DLG2: variants seen among roughly 807,000 people sequenced by gnomAD.
DLG2 encodes disks large homolog 2.
In DLG2, 45 loss-of-function variants were observed where a neutral mutation model predicts 132.5. The ratio of observed to expected loss-of-function variants is 0.34; its 90% CI spans 0.27 to 0.44. The LOEUF (loss-of-function observed/expected upper bound fraction) is 0.44. Ranked by LOEUF, DLG2 falls within the 20% of genes least tolerant of loss-of-function variation. The pLI, the probability that DLG2 is intolerant of heterozygous loss-of-function variation, is 1.00. For missense variants in DLG2, 1,045 were observed against 1,196.9 expected, an observed-to-expected ratio of 0.87 and a Z score of 1.87; for synonymous variants, 424 against 419.6, an observed-to-expected ratio of 1.01 and a Z score of -0.13.
chr11:83,918,241 A>G (rs890566854), intron 15 of DLG2, among the ~76,000 whole-genome samples: 2 of 152,160 alleles, frequency 1.3e-5, no homozygotes, highest in Non-Finnish European at 2.9e-5. Flanking sequence ...CCAACAGTAT[A>G]CGTATAGGTG....
intron 6 of DLG2, among the ~76,000 whole-genome samples, chr11:84,832,561 C>A (rs1054384922): frequency 1.3e-5 from 2 of 151,362 alleles, no homozygotes; most frequent in East Asian, 3.9e-4. Context: ...GGACAACAAC[C>A]ATTAAGTACT....
chr11:84,915,038 G>T (rs1009913625), intron 6 of DLG2, among the ~76,000 whole-genome samples: 1 of 152,158 alleles, frequency 6.6e-6, no homozygotes. Context: ...AATGAACCAG[G>T]CTATATGGAG....
intron 6 of DLG2, among the ~76,000 whole-genome samples, chr11:84,767,125 T>A (rs7105722): frequency 0.9 from 136,848 of 152,058 alleles, 62,472 homozygotes; most frequent in Middle Eastern, 0.99. Context: ...AGTTTGAGTG[T>A]ATTTTAAGTA....
chr11:85,114,863 CAGTT>C (rs2073333715), intron 5 of DLG2, among the ~76,000 whole-genome samples: 1 of 151,770 alleles, frequency 6.6e-6, no homozygotes, highest in Non-Finnish European at 1.5e-5. Flanking sequence ...GGCTTATACA[CAGTT>C]AGAGTGCTTT....
At chr11:84,947,080 C>CGCTGT (rs1237610492) in intron 6 of DLG2, among the ~76,000 whole-genome samples, 1 of 152,170 alleles carries the variant, frequency 6.6e-6, no homozygotes, top group Non-Finnish European at 1.5e-5. Flanking sequence ...TGCGGCCAGT[C>CGCTGT]GCTGCCATTG....
chr11:84,609,917 A>T (rs914852659), intron 6 of DLG2, among the ~76,000 whole-genome samples: 1 of 152,152 alleles, frequency 6.6e-6, no homozygotes, highest in Non-Finnish European at 1.5e-5. Context: ...AGGGGGTATG[A>T]TAATTAAATA....
intron 6 of DLG2, among the ~76,000 whole-genome samples, chr11:84,773,316 G>A (rs1465481689): frequency 6.6e-6 from 1 of 152,100 alleles, no homozygotes; most frequent in Non-Finnish European, 1.5e-5. Context: ...TAGCCCTGGA[G>A]AAGAATTCAC....
At chr11:84,821,404 A>G (rs995490573) in intron 6 of DLG2, among the ~76,000 whole-genome samples, 1 of 151,830 alleles carries the variant, frequency 6.6e-6, no homozygotes, top group Admixed American at 6.6e-5. Context: ...AGAAGAAGCC[A>G]TATATAAATG....
At chr11:85,481,226 C>T (rs187992256) in intron 3 of DLG2, among the ~76,000 whole-genome samples, 83 of 152,238 alleles carry the variant, frequency 5.5e-4, no homozygotes, top group Non-Finnish European at 1.1e-3. Context: ...GGCACCTGTA[C>T]GGGTAGAATG....
intron 21 of DLG2, among the ~76,000 whole-genome samples, chr11:83,508,375 T>G (rs2064397599): frequency 6.9e-6 from 1 of 145,916 alleles, no homozygotes; most frequent in African/African-American, 2.6e-5. Flanking sequence ...TAGCTGGGAC[T>G]ACAGGTGCAC....
At chr11:84,310,817 C>G (rs2098279312) in intron 7 of DLG2, among the ~76,000 whole-genome samples, 1 of 152,122 alleles carries the variant, frequency 6.6e-6, no homozygotes, top group Non-Finnish European at 1.5e-5. Context: ...AAGATTTCAT[C>G]CTAGGGCAAC....
chr11:83,746,989 A>G (rs1226177824), intron 18 of DLG2, among the ~76,000 whole-genome samples: 4 of 152,234 alleles, frequency 2.6e-5, no homozygotes, highest in African/African-American at 9.6e-5. Context: ...GAATGCGTCA[A>G]TACCAAATGG....
At position 84,214,355 on chromosome 11, in the gene DLG2, G is replaced by A. The variant is rs1346616585; in HGVS notation, c.573+36883C>T. Among the ~76,000 whole-genome samples, 13 of 148,690 alleles carry A rather than the reference G, an allele frequency of 8.7e-5. No homozygotes were observed. The East Asian group carries it at 2.5e-3, about 29-fold the overall frequency. ...TTTATGTGTACATACATATGTATAT[G>A]TTTATATACAAACATACATATAAAT... On this transcript the variant is annotated intron_variant, in intron 8 of 27. Transcript: ENST00000376104.
chr11:83,972,996 T>C (rs61898897), intron 12 of DLG2, among the ~76,000 whole-genome samples: 2,183 of 152,220 alleles, frequency 0.014, 22 homozygotes, highest in Non-Finnish European at 0.021. Flanking sequence ...GCAAGAGTGA[T>C]TGTTTTGATT....
rs34604489 is a variant in DLG2, at chr11:85,053,796, C to CAAA, written c.357+57862_357+57864dup. ...TGGGCGACAGAGCAAGACTCTGTCT[C>CAAA]AAAAAAAAAAAAAAAAAAAAAAAAT... is the stretch of plus-strand genomic sequence containing the variant. On this transcript the variant is annotated intron_variant, in intron 6 of 27. Transcript: ENST00000376104. Among the ~76,000 whole-genome samples the CAAA allele has an allele frequency of 3.9e-4, 18 of 45,756 alleles. 1 individual carries two copies. Among genetic ancestry groups the CAAA allele is most frequent in the Admixed American group, 1.5e-3 (6 of 3,938 alleles). 30.0% of individuals were successfully genotyped at this position (45,756 alleles called of 152,430 possible). A position where few individuals can be genotyped will look rare whatever the true frequency, so the allele number is the denominator to read the frequency against.
At chr11:84,124,965 C>T (rs1297347536) in intron 9 of DLG2, among the ~76,000 whole-genome samples, 2 of 151,548 alleles carry the variant, frequency 1.3e-5, no homozygotes, top group African/African-American at 2.4e-5. Context: ...ATTCTCCTGC[C>T]TCAGCCACCT....
At chr11:85,246,873 T>C (rs780451266) in intron 4 of DLG2, among the ~76,000 whole-genome samples, 6 of 152,106 alleles carry the variant, frequency 3.9e-5, no homozygotes, top group Non-Finnish European at 8.8e-5. Context: ...ATCCAATCAG[T>C]ATTACATAGT....
intron 3 of DLG2, among the ~76,000 whole-genome samples, chr11:85,528,426 A>G (rs1282225121): frequency 1.3e-5 from 2 of 152,098 alleles, no homozygotes; most frequent in Non-Finnish European, 2.9e-5. Context: ...TGCACAGCAG[A>G]AAAGGTGCTA....
At chr11:84,186,718 T>C (rs965604107) in intron 8 of DLG2, among the ~76,000 whole-genome samples, 5 of 151,980 alleles carry the variant, frequency 3.3e-5, no homozygotes, top group African/African-American at 1.2e-4. Flanking sequence ...GCAAATATAA[T>C]CAGAATGAAT....
Sources: allele counts gnomAD v4.1 joint callset (sites outside exome capture counted in the v4.1 genomes callset), GRCh38; gene constraint gnomAD v4.1.1; transcripts MANE v1.5; gene names NCBI Gene and HGNC (gene_info 2026-07-23, HGNC 2026-07-21).